The following SLC22A2 variants were observed in gnomAD, a reference collection of about 807,000 sequenced individuals.
SLC22A2 encodes the protein organic cation transporter 2.
In SLC22A2, 46 loss-of-function variants were observed where a neutral mutation model predicts 60.5. That is an observed-to-expected ratio of 0.76 (90% CI 0.60 to 0.97). The LOEUF (loss-of-function observed/expected upper bound fraction) is 0.97, where lower values mean the gene tolerates loss of function less well. Ranked by LOEUF, SLC22A2 falls within the 50% of genes least tolerant of loss-of-function variation. The probability of loss-of-function intolerance (pLI) is 0.00; values close to 1 mark genes in which losing one functional copy is unlikely to be tolerated. For synonymous variants in SLC22A2, 303 were observed against 267.0 expected (o/e 1.13, Z -1.31); for missense variants, 701 against 706.6 (o/e 0.99, Z 0.09).
rs556375460 is a variant in SLC22A2, at chr6:160,221,672, G to A, written c.1601+3033C>T. On this transcript the variant is annotated intron_variant, in intron 10 of 10. Transcript: ENST00000366953. ...CTATTAATTGACCTAATTTCAATATGGTTGTGTCTTGGGCCATAGGAAGGC... is the reference window on the plus strand; with the variant it reads ...CTATTAATTGACCTAATTTCAATATAGTTGTGTCTTGGGCCATAGGAAGGC... Among the ~76,000 whole-genome samples the A allele has an allele frequency of 3.3e-5, 5 of 152,274 alleles. 1 individual carries two copies. In the East Asian group the frequency reaches 9.7e-4, roughly 29 times the overall value.
At position 160,247,223 on chromosome 6, in the gene SLC22A2, G is replaced by T. The variant is rs140015154; in HGVS notation, c.918C>A (p.Ile306=). The T allele has an allele frequency of 5.6e-6, 9 of 1,613,142 alleles. No homozygotes were observed. In the Admixed American group the frequency reaches 1.3e-4, roughly 24 times the overall value. The part of the protein sequence containing the change: ...NAEAMRIIKH[I]AKKNGKSLPA... ...GTAGAGATTTTCCATTTTTCTTTGC[G>T]ATGTGCTTAATGATTCTCATGGCTT... The change falls in exon 5 of 11, where the codon ATC becomes ATA. Residue 306 remains isoleucine, a synonymous_variant. Coordinates refer to ENST00000366953, the MANE Select transcript of SLC22A2 (RefSeq NM_003058.4).
chr6:160,234,300 G>C (rs917624355), intron 9 of SLC22A2, among the ~76,000 whole-genome samples: 10 of 152,312 alleles, frequency 6.6e-5, no homozygotes, highest in Middle Eastern at 3.4e-3. Context: ...TGTTTGGTGG[G>C]CTCTTCACAC....
chr6:160,219,875 T>C (rs997964402), intron 10 of SLC22A2, among the ~76,000 whole-genome samples: 11 of 152,238 alleles, frequency 7.2e-5, no homozygotes, highest in Non-Finnish European at 1.6e-4. Flanking sequence ...AAATACTTTA[T>C]TTTTTAAAAA....
At chr6:160,256,928 G>A (rs1048863268) in intron 1 of SLC22A2, among the ~76,000 whole-genome samples, 16 of 142,598 alleles carry the variant, frequency 1.1e-4, no homozygotes, top group Non-Finnish European at 2.4e-4. Flanking sequence ...TGTGAGACAG[G>A]GTCTTGCTCT....
Position 160,252,687 on chromosome 6 carries a change from T to A in SLC22A2, c.519-1985A>T, listed in dbSNP as rs532398970. 1.9e-4 allele frequency among the ~76,000 whole-genome samples: 29 copies of A among 152,350 alleles called. No individual in the cohort carries two copies. In the South Asian group the frequency reaches 6.0e-3, roughly 32 times the overall value. On this transcript the variant is annotated intron_variant, in intron 2 of 10. Coordinates refer to ENST00000366953, the MANE Select transcript of SLC22A2 (RefSeq NM_003058.4). ...TATTAGCATGGGCTTGGGAACAGCA[T>A]CACCTGGGAGCTGGTTAGAAATACA...
At chr6:160,235,728 G>A (rs1782900265) in intron 9 of SLC22A2, among the ~76,000 whole-genome samples, 1 of 151,780 alleles carries the variant, frequency 6.6e-6, no homozygotes, top group Non-Finnish European at 1.5e-5. Flanking sequence ...TTTGTAAAGA[G>A]TTATAAAAGG....
intron 10 of SLC22A2, among the ~76,000 whole-genome samples, chr6:160,224,227 T>C (rs145701066): frequency 6.6e-6 from 1 of 152,298 alleles, no homozygotes; most frequent in East Asian, 1.9e-4. Context: ...AAGTTGAGCA[T>C]ATTTTCATAT....
chr6:160,254,879 C>T (rs1351100131), intron 2 of SLC22A2, among the ~76,000 whole-genome samples: 2 of 152,210 alleles, frequency 1.3e-5, no homozygotes, highest in Non-Finnish European at 2.9e-5. Flanking sequence ...CAATCTCCTA[C>T]TTGTTGAGTG....
chr6:160,230,992 C>A (rs1782814244), intron 9 of SLC22A2, among the ~76,000 whole-genome samples: 1 of 151,900 alleles, frequency 6.6e-6, no homozygotes, highest in Middle Eastern at 3.2e-3. Context: ...ACCTCGGAAG[C>A]CCCCTGGACC....
chr6:160,241,314 C>T (rs1269486399), intron 9 of SLC22A2, among the ~76,000 whole-genome samples, 160 bp downstream of exon 9: 1 of 152,064 alleles, frequency 6.6e-6, no homozygotes, highest in Non-Finnish European at 1.5e-5. Flanking sequence ...TTACTAGGCA[C>T]ATCCAGGAAG....
intron 8 of SLC22A2, 57 bp from the exon 9 acceptor site, chr6:160,241,643 C>T: frequency 9.6e-7 from 1 of 1,039,402 alleles, no homozygotes; most frequent in South Asian, 1.3e-5. Context: ...GTAGTTATCT[C>T]CCATCCACCC....
chr6:160,254,493 A>C (rs1420391331), intron 2 of SLC22A2, among the ~76,000 whole-genome samples: 4 of 152,176 alleles, frequency 2.6e-5, no homozygotes, highest in Admixed American at 2.0e-4. Flanking sequence ...CATGGAAGAC[A>C]ATGTGTTTTA....
rs904715059 is a variant in SLC22A2 at position 160,245,212 on chromosome 6, A to G, written c.1064+227T>C. The G allele has an allele frequency of 3.9e-5, 12 of 308,930 alleles. 1 individual carries two copies. The highest frequency in any genetic ancestry group is 1.7e-3 in the Middle Eastern group (2 of 1,190). 19.1% of individuals were successfully genotyped at this position (308,930 alleles called of 1,614,324 possible). On this transcript the variant is annotated intron_variant, in intron 6 of 10. Coordinates refer to ENST00000366953, the MANE Select transcript of SLC22A2 (RefSeq NM_003058.4). ...TTTTGTAAGCTCCCAGGTGATTCCA[A>G]TGTGAAGCCGAGGTTGCCATTGCCT...
At chr6:160,229,544 AG>A (rs1782783476) in intron 9 of SLC22A2, among the ~76,000 whole-genome samples, 1 of 151,766 alleles carries the variant, frequency 6.6e-6, no homozygotes, top group Admixed American at 6.6e-5. Flanking sequence ...ATTGCAGCCC[AG>A]GGCTGCTCAC....
rs534727514 is a variant in SLC22A2 at position 160,233,804 on chromosome 6, A to T, written c.1501+7670T>A. Among the ~76,000 whole-genome samples the T allele has an allele frequency of 2.6e-5, 4 of 151,822 alleles. No individual in the cohort carries two copies. In the South Asian group the frequency reaches 8.3e-4, roughly 32 times the overall value. On this transcript the variant is annotated intron_variant, in intron 9 of 10. Coordinates refer to ENST00000366953, the MANE Select transcript of SLC22A2 (RefSeq NM_003058.4). The stretch of plus-strand genomic sequence containing the variant: ...CCACGCTGCCCCTAATTCCACTCGA[A>T]CCAGCCCTGAGAAACATCACTCATC...
At chr6:160,251,467 G>C (rs2114870180) in intron 2 of SLC22A2, among the ~76,000 whole-genome samples, 1 of 152,296 alleles carries the variant, frequency 6.6e-6, no homozygotes, top group South Asian at 2.1e-4. Context: ...AGAGGATTAA[G>C]TGAGATATTA....
At chr6:160,225,627 C>A (rs76765611) in intron 9 of SLC22A2, among the ~76,000 whole-genome samples, 2,241 of 152,284 alleles carry the variant, frequency 0.015, 53 homozygotes, top group African/African-American at 0.051. Flanking sequence ...TTCTGATGCT[C>A]CAGACATTCC....
chr6:160,233,821 T>A (rs1036078983), intron 9 of SLC22A2, among the ~76,000 whole-genome samples: 1 of 151,758 alleles, frequency 6.6e-6, no homozygotes, highest in Admixed American at 6.6e-5. Context: ...CTGAGAAACA[T>A]CACTCATCAT....
At chr6:160,242,506 G>T in intron 7 of SLC22A2, 104 bp from the exon 8 acceptor site, 1 of 716,138 alleles carries the variant, frequency 1.4e-6, no homozygotes, top group Admixed American at 2.0e-5. Flanking sequence ...TCCCAGAATG[G>T]GACAAGAAAG....
Sources: gnomAD v4.1 joint callset for allele counts (sites outside exome capture counted in the v4.1 genomes callset) on GRCh38, gnomAD v4.1.1 for gene constraint, MANE v1.5 for transcripts, NCBI Gene and HGNC (gene_info 2026-07-23, HGNC 2026-07-21) for gene names.